The following NRXN3 variants were observed in gnomAD, a reference collection of about 807,000 sequenced individuals.
NRXN3 encodes neurexin 3.
Under a neutral mutation model 137.6 loss-of-function variants are expected in NRXN3, and 32 were observed. That is an observed-to-expected ratio of 0.23 (90% CI 0.18 to 0.31). NRXN3 has a LOEUF of 0.31. Among genes scored for constraint, NRXN3 ranks in the 10% least tolerant of loss-of-function variants. The probability of loss-of-function intolerance (pLI) is 1.00; values close to 1 mark genes in which losing one functional copy is unlikely to be tolerated. For synonymous variants in NRXN3, 798 were observed against 784.5 expected (o/e 1.02, Z -0.29); for missense variants, 1,574 against 2,062.5 (o/e 0.76, Z 4.59).
rs59862778 is a variant in NRXN3, at chr14:78,336,244, C to G, written c.757+38384C>G. ...ACTTGGAGTTGCAGTGAGGCTGGGA[C>G]CTGGGTTCTTGGAATTGGTCTGATT... is the stretch of plus-strand genomic sequence containing the variant. On this transcript the variant is annotated intron_variant, in intron 4 of 20. Transcript: ENST00000335750. 9.7e-4 allele frequency among the ~76,000 whole-genome samples: 148 copies of G among 152,208 alleles called. 1 individual carries two copies. The highest frequency in any genetic ancestry group is 3.4e-3 in the African/African-American group (142 of 41,526).
At chr14:78,346,347 G>A (rs201722858) in intron 4 of NRXN3, among the ~76,000 whole-genome samples, 1 of 137,850 alleles carries the variant, frequency 7.3e-6, no homozygotes, top group African/African-American at 3.3e-5. Context: ...CTGGGGCCTG[G>A]TCTCCTCCCT....
chr14:78,863,121 A>G (rs1443167867), intron 10 of NRXN3, among the ~76,000 whole-genome samples: 2 of 152,172 alleles, frequency 1.3e-5, no homozygotes, highest in South Asian at 2.1e-4. Context: ...CATCAGACCT[A>G]TTAAAACCAC....
At chr14:78,530,524 T>C (rs1311749872) in intron 4 of NRXN3, among the ~76,000 whole-genome samples, 1 of 152,222 alleles carries the variant, frequency 6.6e-6, no homozygotes, top group African/African-American at 2.4e-5. Context: ...CTTCTGAGTT[T>C]GGCTTAACAG....
At chr14:78,769,665 G>A (rs186938518) in intron 8 of NRXN3, among the ~76,000 whole-genome samples, 1 of 152,298 alleles carries the variant, frequency 6.6e-6, no homozygotes, top group Non-Finnish European at 1.5e-5. Flanking sequence ...ACTCTGACGA[G>A]GATCGAGAAA....
At chr14:79,626,104 T>C (rs1270008986) in intron 16 of NRXN3, among the ~76,000 whole-genome samples, 1 of 152,218 alleles carries the variant, frequency 6.6e-6, no homozygotes, top group Non-Finnish European at 1.5e-5. Flanking sequence ...TTCATTTTCA[T>C]GTCTCTGTAA....
chr14:79,797,592 A>G (rs2099164733), intron 19 of NRXN3, among the ~76,000 whole-genome samples: 1 of 152,172 alleles, frequency 6.6e-6, no homozygotes, highest in African/African-American at 2.4e-5. Flanking sequence ...TAACAATGTC[A>G]GTGGCTTTCA....
At chr14:78,544,188 A>C (rs1211408705) in intron 4 of NRXN3, among the ~76,000 whole-genome samples, 2 of 152,230 alleles carry the variant, frequency 1.3e-5, no homozygotes, top group Non-Finnish European at 2.9e-5. Context: ...CTATCAAGTT[A>C]TACCAAAGGC....
intron 15 of NRXN3, among the ~76,000 whole-genome samples, chr14:79,234,300 AT>A (rs1370215317): frequency 8.5e-5 from 1 of 11,750 alleles, no homozygotes; most frequent in Non-Finnish European, 2.1e-4. Context: ...GTAAATATAT[AT>A]ATATATATAT....
intron 16 of NRXN3, among the ~76,000 whole-genome samples, chr14:79,573,661 C>T (rs1011685846): frequency 6.6e-6 from 1 of 151,966 alleles, no homozygotes; most frequent in Admixed American, 6.6e-5. Context: ...TTAAGAGGAA[C>T]ATAAGGAAAC....
At chr14:78,884,915 A>G (rs1036674220) in intron 10 of NRXN3, among the ~76,000 whole-genome samples, 2 of 151,920 alleles carry the variant, frequency 1.3e-5, no homozygotes, top group African/African-American at 4.8e-5. Flanking sequence ...GAAGTTAACA[A>G]AGTGATAGTG....
intron 10 of NRXN3, among the ~76,000 whole-genome samples, chr14:78,867,875 G>C (rs1053046233): frequency 3.3e-5 from 5 of 151,376 alleles, no homozygotes; most frequent in Admixed American, 3.3e-4. Flanking sequence ...GAAGGCTCCT[G>C]TGTATAAGTT....
At chr14:78,927,597 G>C (rs1259138440) in intron 10 of NRXN3, among the ~76,000 whole-genome samples, 1 of 151,916 alleles carries the variant, frequency 6.6e-6, no homozygotes, top group African/African-American at 2.4e-5. Context: ...AGAATTTCTG[G>C]GTCTGTATTT....
intron 15 of NRXN3, among the ~76,000 whole-genome samples, chr14:79,243,161 A>G (rs990913870): frequency 5.3e-5 from 8 of 152,174 alleles, no homozygotes; most frequent in Admixed American, 3.9e-4. Flanking sequence ...GGTACTATAT[A>G]GATATGCGAG....
chr14:78,727,706 G>C (rs1250941786), intron 8 of NRXN3, among the ~76,000 whole-genome samples: 1 of 152,254 alleles, frequency 6.6e-6, no homozygotes, highest in African/African-American at 2.4e-5. Context: ...TTGTACTGCA[G>C]CCTGGGCAAC....
chr14:78,676,182 C>A (rs10145912), intron 6 of NRXN3, among the ~76,000 whole-genome samples: 2 of 151,996 alleles, frequency 1.3e-5, no homozygotes, highest in Non-Finnish European at 2.9e-5. Context: ...GCACATTTCT[C>A]GCTTTAAATC....
At chr14:78,900,943 A>C (rs2099193949) in intron 10 of NRXN3, among the ~76,000 whole-genome samples, 1 of 152,016 alleles carries the variant, frequency 6.6e-6, no homozygotes, top group African/African-American at 2.4e-5. Flanking sequence ...AAGGACATCA[A>C]ATGACTCGCC....
chr14:78,377,591 A>T lies in NRXN3; in HGVS notation c.757+79731A>T, dbSNP rs183090504. ...CACACAGAGTGGCTTAAACAATGTA[A>T]ATTTATTTCTCACAAGATAATGTGG... is the stretch of plus-strand genomic sequence containing the variant. On this transcript the variant is annotated intron_variant, in intron 4 of 20. Transcript: ENST00000335750. Among the ~76,000 whole-genome samples the T allele has an allele frequency of 1.9e-3, 297 of 152,356 alleles. 5 individuals carry two copies. The highest frequency in any genetic ancestry group is 0.019 in the Admixed American group (297 of 15,308).
At chr14:79,269,207 G>A (rs1015454273) in intron 15 of NRXN3, among the ~76,000 whole-genome samples, 1 of 152,008 alleles carries the variant, frequency 6.6e-6, no homozygotes, top group Non-Finnish European at 1.5e-5. Context: ...CCGCCACCAC[G>A]CCCGGCTAAT....
intron 19 of NRXN3, among the ~76,000 whole-genome samples, chr14:79,734,971 T>C (rs749366913): frequency 6.6e-6 from 1 of 152,108 alleles, no homozygotes; most frequent in Non-Finnish European, 1.5e-5. Context: ...ACCAAAGCAA[T>C]AGCCTGAAGT....
Sources: gnomAD v4.1 joint callset for allele counts (sites outside exome capture counted in the v4.1 genomes callset) on GRCh38, gnomAD v4.1.1 for gene constraint, MANE v1.5 for transcripts, NCBI Gene and HGNC (gene_info 2026-07-23, HGNC 2026-07-21) for gene names.